Variants in RPGRIP1 observed in about 807,000 individuals in gnomAD.
The protein encoded by RPGRIP1 is RPGR interacting protein 1.
In RPGRIP1, 128 loss-of-function variants were observed where a neutral mutation model predicts 157.9. That is an observed-to-expected ratio of 0.81 (90% CI 0.70 to 0.94). The LOEUF is 0.94. RPGRIP1 is among the 40% of genes least tolerant of loss of function. The probability of loss-of-function intolerance (pLI) is 0.00; values close to 1 mark genes in which losing one functional copy is unlikely to be tolerated. For missense variants in RPGRIP1, 1,486 were observed against 1,545.8 expected, an observed-to-expected ratio of 0.96 and a Z score of 0.65; for synonymous variants, 554 against 571.6, an observed-to-expected ratio of 0.97 and a Z score of 0.44.
At chr14:21,340,736 A>G (rs1210920053) in intron 21 of RPGRIP1, among the ~76,000 whole-genome samples, 1 of 152,184 alleles carries the variant, frequency 6.6e-6, no homozygotes, top group Non-Finnish European at 1.5e-5. Flanking sequence ...TTTTATAGCA[A>G]TCACTATGAG....
Position 21,302,478 on chromosome 14 carries a change from A to C in RPGRIP1, c.491-10A>C. 6.6e-7 allele frequency: 1 copy of C among 1,510,260 alleles called. No homozygotes were observed. The highest frequency in any genetic ancestry group is 1.3e-5 in the South Asian group (1 of 74,818). The allele number at this position is 1,510,260 out of a possible 1,614,324, so 93.6% of individuals were successfully genotyped here. A position where few individuals can be genotyped will look rare whatever the true frequency, so the allele number is the denominator to read the frequency against. The stretch of plus-strand genomic sequence containing the variant: ...TTGCCCGAGTCTGCATCTTCTGTCT[A>C]AACTTTTAGGGCCAAGGGACAGGCT... On this transcript the variant is annotated splice_polypyrimidine_tract_variant and intron_variant, in intron 4 of 24. Coordinates refer to ENST00000400017, the MANE Select transcript of RPGRIP1 (RefSeq NM_020366.4).
intron 3 of RPGRIP1, 30 bp from the exon 4 acceptor site, chr14:21,300,936 G>A (rs766399407): frequency 6.2e-7 from 1 of 1,604,660 alleles, no homozygotes; most frequent in African/African-American, 1.3e-5. Flanking sequence ...TGTCATGAAA[G>A]GAGAAGCCAC....
chr14:21,317,928 A>G, intron 11 of RPGRIP1, 78 bp downstream of exon 11: 1 of 1,231,068 alleles, frequency 8.1e-7, no homozygotes, highest in African/African-American at 1.5e-5. Context: ...TTGAGCCATC[A>G]TTTCTTTAAT....
At position 21,343,101 on chromosome 14, in the gene RPGRIP1, T is replaced by G. The variant is rs1885182836; in HGVS notation, c.3405T>G (p.Ser1135=). Residue 1135 remains serine (S), a synonymous_variant, in exon 22 of 25, where the codon TCT becomes TCG. Coordinates refer to ENST00000400017, the MANE Select transcript of RPGRIP1 (RefSeq NM_020366.4). ...LAFYPEAEVM[S]DENIKQVYVE... is the part of the protein sequence containing the mutation. ...TCTACCCAGAGGCAGAAGTGATGTC[T>G]GATGAGAACATAAAACAGGTGTATG... 1.2e-6 allele frequency: 2 copies of G among 1,613,668 alleles called. No individual in the cohort carries two copies. Among genetic ancestry groups the G allele is most frequent in the Non-Finnish European group, 1.7e-6 (2 of 1,179,594 alleles).
intron 6 of RPGRIP1, among the ~76,000 whole-genome samples, chr14:21,306,218 A>G (rs1471421577): frequency 1.6e-5 from 2 of 128,142 alleles, no homozygotes; most frequent in Non-Finnish European, 3.1e-5. Flanking sequence ...TGCAATCTCC[A>G]TCTTCCGGGT....
intron 21 of RPGRIP1, among the ~76,000 whole-genome samples, chr14:21,336,507 C>T (rs1884380080): frequency 1.3e-5 from 2 of 152,188 alleles, no homozygotes; most frequent in African/African-American, 4.8e-5. Context: ...TGCACTCTAG[C>T]TTAGGTGACA....
chr14:21,303,933 A>C (rs1164878744), intron 6 of RPGRIP1, among the ~76,000 whole-genome samples: 1 of 151,380 alleles, frequency 6.6e-6, no homozygotes, highest in Non-Finnish European at 1.5e-5. Flanking sequence ...GGTTTCAGTG[A>C]GCTGAGATAA....
chr14:21,293,750 G>C (rs1880633282), intron 2 of RPGRIP1, among the ~76,000 whole-genome samples: 1 of 152,152 alleles, frequency 6.6e-6, no homozygotes, highest in African/African-American at 2.4e-5. Flanking sequence ...GTGGTGGCTG[G>C]CGCCTATAGT....
At chr14:21,344,732 G>T (rs1278578057) in intron 22 of RPGRIP1, among the ~76,000 whole-genome samples, 1 of 152,132 alleles carries the variant, frequency 6.6e-6, no homozygotes, top group Non-Finnish European at 1.5e-5. Flanking sequence ...GATTACTTGA[G>T]GTCAGAAGTT....
chr14:21,343,332 C>A, intron 22 of RPGRIP1, 104 bp downstream of exon 22: 1 of 857,070 alleles, frequency 1.2e-6, no homozygotes, highest in Non-Finnish European at 1.8e-6. Context: ...AGCCATTTCA[C>A]TTTATTATTT....
intron 20 of RPGRIP1, 104 bp downstream of exon 20, chr14:21,330,491 AC>A: frequency 1.3e-6 from 1 of 763,554 alleles, no homozygotes; most frequent in Non-Finnish European, 1.8e-6. Context: ...ACATGATGAA[AC>A]CCGTCTCTAC....
intron 1 of RPGRIP1, among the ~76,000 whole-genome samples, chr14:21,284,720 T>TTTTGTATG (rs1566663919): frequency 6.6e-6 from 1 of 151,798 alleles, no homozygotes; most frequent in African/African-American, 2.4e-5. Flanking sequence ...CCCAGCAAAT[T>TTTTGTATG]TTTGTATGTT....
Position 21,324,440 on chromosome 14 carries a change from G to A in RPGRIP1, c.1763-178G>A, listed in dbSNP as rs533455832. The A allele has an allele frequency of 2.4e-4, 155 of 637,016 alleles. No homozygotes were observed. In the African/African-American group the frequency reaches 2.6e-3, roughly 11 times the overall value. The allele number at this position is 637,016 out of a possible 1,614,324, so 39.5% of individuals were successfully genotyped here. ...GCTGGCATTGGATTATTTGGCTATC[G>A]GAATTCAATGCTCCTGGTTGTCCTT... is the stretch of plus-strand genomic sequence containing the variant. On this transcript the variant is annotated intron_variant, in intron 14 of 24. Transcript: ENST00000400017.
At chr14:21,280,723 C>G (rs758810548) in intron 1 of RPGRIP1, among the ~76,000 whole-genome samples, 1 of 151,950 alleles carries the variant, frequency 6.6e-6, no homozygotes, top group Non-Finnish European at 1.5e-5. Context: ...TCCCCCACCC[C>G]CCTCCTTCCC....
chr14:21,298,620 C>A (rs1880893356), intron 3 of RPGRIP1, among the ~76,000 whole-genome samples: 1 of 151,244 alleles, frequency 6.6e-6, no homozygotes, highest in Admixed American at 6.6e-5. Context: ...ATTGTAACCC[C>A]CAGGAGTGAT....
intron 8 of RPGRIP1, among the ~76,000 whole-genome samples, chr14:21,311,289 C>T (rs562343152): frequency 2.1e-4 from 32 of 152,288 alleles, no homozygotes; most frequent in African/African-American, 6.7e-4. Context: ...CGGTGGCTCA[C>T]GCCTGTAATC....
rs1403311040 is a variant in RPGRIP1 at position 21,345,175 on chromosome 14, G to A, written c.3595G>A (p.Gly1199Arg). The change falls in exon 23 of 25, where the codon GGA becomes AGA. Residue 1199 changes from glycine (G) to arginine (R), a missense_variant. By Grantham distance (125) the Gly-to-Arg change is moderately radical. Coordinates refer to ENST00000400017, the MANE Select transcript of RPGRIP1 (RefSeq NM_020366.4). ...RRRFLFDMLN[G>R]QDPDQGHLKF... The stretch of plus-strand genomic sequence containing the variant: ...GCGGTTTCTGTTCGACATGCTGAAT[G>A]GACAAGATCCTGATCAAGGACAGTA... The A allele has an allele frequency of 1.2e-6, 2 of 1,612,874 alleles. No individual in the cohort carries two copies. The highest frequency in any genetic ancestry group is 1.7e-6 in the Non-Finnish European group (2 of 1,179,122).
intron 21 of RPGRIP1, among the ~76,000 whole-genome samples, chr14:21,341,827 G>A (rs542433126): frequency 2.0e-4 from 30 of 152,146 alleles, no homozygotes; most frequent in African/African-American, 7.0e-4. Context: ...AGGCCGAGGC[G>A]GGTGGATCAC....
intron 16 of RPGRIP1, 61 bp from the exon 17 acceptor site, chr14:21,325,770 G>C (rs1185439119): frequency 8.0e-7 from 1 of 1,248,712 alleles, no homozygotes; most frequent in Non-Finnish European, 1.1e-6. Flanking sequence ...CAGATCCTAG[G>C]CTTCACCTAC....
Sources: allele counts gnomAD v4.1 joint callset (sites outside exome capture counted in the v4.1 genomes callset), GRCh38; gene constraint gnomAD v4.1.1; transcripts MANE v1.5; gene names NCBI Gene and HGNC (gene_info 2026-07-23, HGNC 2026-07-21).